The following IGSF21 variants were observed in gnomAD, a reference collection of about 807,000 sequenced individuals.
IGSF21 encodes the protein immunoglobin superfamily member 21, also known as immunoglobulin superfamily member 21.
A neutral mutation model predicts 46.8 loss-of-function variants in IGSF21; 28 were observed. The ratio of observed to expected loss-of-function variants is 0.60; its 90% confidence interval spans 0.44 to 0.82. IGSF21 has a LOEUF of 0.82. IGSF21 is among the 40% of genes least tolerant of loss of function. The pLI is 0.00. For synonymous variants in IGSF21, 284 were observed against 273.6 expected (o/e 1.04, Z -0.38); for missense variants, 624 against 665.5 (o/e 0.94, Z 0.69).
chr1:18,109,918 G>A lies in IGSF21; in HGVS notation c.70+1720G>A, dbSNP rs980839434. 3 of 152,278 alleles carry A rather than the reference G, an allele frequency of 2.0e-5. No individual in the cohort carries two copies. The highest frequency in any genetic ancestry group is 7.2e-5 in the African/African-American group (3 of 41,424). 9.4% of individuals were successfully genotyped at this position (152,278 alleles called of 1,614,324 possible). On this transcript the variant is annotated intron_variant, in intron 1 of 9. Transcript: ENST00000251296. The surrounding 1 kb of genome is among the most constrained non-coding windows in gnomAD (Gnocchi z 4.8). ...TTTCCCTGGGAATGCGCAGAACAGAGAGACGCGGCAGGGTGAAGGAGAGGA... is the reference window on the plus strand; with the variant it reads ...TTTCCCTGGGAATGCGCAGAACAGAAAGACGCGGCAGGGTGAAGGAGAGGA...
chr1:18,184,346 C>G (rs937818106), intron 1 of IGSF21, among the ~76,000 whole-genome samples: 1 of 152,202 alleles, frequency 6.6e-6, no homozygotes, highest in Non-Finnish European at 1.5e-5. Flanking sequence ...CCTTCTCCCC[C>G]TCCCCAGGGC....
chr1:18,362,148 A>G lies in IGSF21; in HGVS notation c.458A>G (p.Asp153Gly), dbSNP rs1225047930. The G allele has an allele frequency of 1.2e-6, 2 of 1,611,796 alleles. No homozygotes were observed. Among genetic ancestry groups the G allele is most frequent in the Non-Finnish European group, 1.7e-6 (2 of 1,179,322 alleles). ...PPTSIEVVAA[D>G]TPAPFSRYQA... The stretch of plus-strand genomic sequence containing the variant: ...ACCTCCATTGAAGTGGTGGCTGCTG[A>G]CACACCAGCCCCCTTCAGCCGCTAC... The change falls in exon 5 of 10, where the codon GAC becomes GGC. Residue 153 changes from aspartate (D) to glycine (G), a missense_variant. By Grantham distance (94) the Asp-to-Gly change is moderately conservative (BLOSUM62 -1). Coordinates refer to ENST00000251296, the MANE Select transcript of IGSF21 (RefSeq NM_032880.5).
At chr1:18,283,978 T>C (rs554083687) in intron 2 of IGSF21, among the ~76,000 whole-genome samples, 3 of 152,146 alleles carry the variant, frequency 2.0e-5, no homozygotes, top group Non-Finnish European at 4.4e-5. Context: ...TTGAACAAAA[T>C]GAAGTCCCAC....
intron 1 of IGSF21, chr1:18,115,905 G>A (rs2086186138): frequency 7.2e-6 from 1 of 138,780 alleles, no homozygotes; most frequent in African/African-American, 2.7e-5. Flanking sequence ...AAGAAAGAAG[G>A]AGAGGGAGGG....
At chr1:18,147,801 G>A (rs547894074) in intron 1 of IGSF21, among the ~76,000 whole-genome samples, 1 of 152,100 alleles carries the variant, frequency 6.6e-6, no homozygotes, top group African/African-American at 2.4e-5. Flanking sequence ...ACTTGATATG[G>A]TTTGGCTGTG....
intron 1 of IGSF21, among the ~76,000 whole-genome samples, chr1:18,124,368 C>G (rs745650079): frequency 6.6e-6 from 1 of 152,228 alleles, no homozygotes; most frequent in East Asian, 1.9e-4. Context: ...CTAGTATCCT[C>G]ATTTTACAGG....
intron 1 of IGSF21, among the ~76,000 whole-genome samples, chr1:18,125,308 C>G (rs977154010): frequency 3.3e-5 from 5 of 152,182 alleles, no homozygotes; most frequent in Non-Finnish European, 5.9e-5. Context: ...TGTGTACCTA[C>G]TATGTTCACA....
chr1:18,188,520 G>A (rs1366658181), intron 1 of IGSF21, among the ~76,000 whole-genome samples: 2 of 152,180 alleles, frequency 1.3e-5, no homozygotes, highest in Non-Finnish European at 2.9e-5. Flanking sequence ...AGAGAAAGCA[G>A]AGGAGGTAAA....
At chr1:18,306,076 A>C (rs948007012) in intron 3 of IGSF21, among the ~76,000 whole-genome samples, 1 of 152,178 alleles carries the variant, frequency 6.6e-6, no homozygotes, top group African/African-American at 2.4e-5. Context: ...TCTAAAGTGA[A>C]ATCAGGTCAC....
intron 1 of IGSF21, among the ~76,000 whole-genome samples, chr1:18,181,205 A>G (rs1416825460): frequency 1.3e-5 from 2 of 152,152 alleles, no homozygotes; most frequent in African/African-American, 4.8e-5. Flanking sequence ...GTGTTCTGGC[A>G]TCATTTAACA....
At position 18,107,954 on chromosome 1, in the gene IGSF21, C is replaced by A. The variant is rs1225578170; in HGVS notation, c.-175C>A. 3.5e-5 allele frequency: 7 copies of A among 198,248 alleles called. No homozygotes were observed. Among genetic ancestry groups the A allele is most frequent in the African/African-American group, 9.5e-5 (4 of 42,248 alleles). 12.3% of individuals were successfully genotyped at this position (198,248 alleles called of 1,614,324 possible). A position where few individuals can be genotyped will look rare whatever the true frequency, so the allele number is the denominator to read the frequency against. The stretch of plus-strand genomic sequence containing the variant: ...AGAGCCGGAGCCGAGTCGAGCCGGG[C>A]GCCCGGGCTGCCTGGCCGCGGCGGC... On this transcript the variant is annotated 5_prime_UTR_variant, in exon 1 of 10. Coordinates refer to ENST00000251296, the MANE Select transcript of IGSF21 (RefSeq NM_032880.5).
chr1:18,374,022 G>A (rs1274514265), intron 6 of IGSF21, among the ~76,000 whole-genome samples: 1 of 151,822 alleles, frequency 6.6e-6, no homozygotes, highest in African/African-American at 2.4e-5. Flanking sequence ...AGAAGGGAAA[G>A]GTGTCTGCCC....
chr1:18,327,669 T>C (rs1376040498), intron 3 of IGSF21, among the ~76,000 whole-genome samples: 1 of 152,202 alleles, frequency 6.6e-6, no homozygotes, highest in African/African-American at 2.4e-5. Context: ...TGATTCCATT[T>C]ATATAAAATC....
chr1:18,366,139 G>A (rs570230044), intron 6 of IGSF21, among the ~76,000 whole-genome samples: 4 of 152,178 alleles, frequency 2.6e-5, no homozygotes, highest in African/African-American at 9.6e-5. Flanking sequence ...GGCTGGGTCA[G>A]CAACATGAGA....
Position 18,252,298 on chromosome 1 carries a change from C to T in IGSF21, c.183+24288C>T, listed in dbSNP as rs563318878. Among the ~76,000 whole-genome samples the T allele has an allele frequency of 3.3e-5, 5 of 152,222 alleles. No homozygotes were observed. The East Asian group carries it at 5.8e-4, about 18-fold the overall frequency. ...TCTCCTGACCTCGCGATCCACCCAC[C>T]TCGGCCTCCCAAAGTGCTGGGATTA... On this transcript the variant is annotated intron_variant, in intron 2 of 9. Coordinates refer to ENST00000251296, the MANE Select transcript of IGSF21 (RefSeq NM_032880.5).
intron 2 of IGSF21, among the ~76,000 whole-genome samples, chr1:18,249,162 A>T (rs2084812850): frequency 6.6e-6 from 1 of 152,120 alleles, no homozygotes; most frequent in Admixed American, 6.5e-5. Flanking sequence ...CTTGAACCTT[A>T]CCTGGAGAAC....
chr1:18,182,995 G>A lies in IGSF21; in HGVS notation c.71-44903G>A, dbSNP rs556614037. 1.6e-4 allele frequency among the ~76,000 whole-genome samples: 24 copies of A among 152,252 alleles called. No homozygotes were observed. The South Asian group carries it at 3.3e-3, about 21-fold the overall frequency. On this transcript the variant is annotated intron_variant, in intron 1 of 9. Transcript: ENST00000251296. ...GACGCGACATCACCCTCCTTCACCC[G>A]CTGCAAACTGGCTGCCCAGGCATTA...
chr1:18,275,870 T>A (rs1437536148), intron 2 of IGSF21, among the ~76,000 whole-genome samples: 1 of 152,072 alleles, frequency 6.6e-6, no homozygotes, highest in African/African-American at 2.4e-5. Context: ...CTCTCTTGGA[T>A]TCAGGGAGAC....
intron 1 of IGSF21, among the ~76,000 whole-genome samples, chr1:18,167,251 G>A (rs773371208): frequency 8.6e-5 from 13 of 152,040 alleles, no homozygotes; most frequent in Admixed American, 2.6e-4. Context: ...CCCAAGAAGT[G>A]GGGATTGGTC....
Sources: allele counts gnomAD v4.1 joint callset (sites outside exome capture counted in the v4.1 genomes callset), GRCh38; gene constraint gnomAD v4.1.1; non-coding constraint Gnocchi (gnomAD v3.1); transcripts MANE v1.5; gene names NCBI Gene and HGNC (gene_info 2026-07-23, HGNC 2026-07-21).